The following NYAP2 variants were observed in gnomAD, a reference collection of about 807,000 sequenced individuals.
NYAP2 encodes neuronal tyrosine-phosphorylated phosphoinositide-3-kinase adapter 2.
A neutral mutation model predicts 50.4 loss-of-function variants in NYAP2; 23 were observed. The observed-to-expected ratio is 0.46, with a 90% confidence interval of 0.33 to 0.65. The LOEUF is 0.65. Among genes scored for constraint, NYAP2 ranks in the 30% least tolerant of loss-of-function variants. NYAP2 has a pLI of 0.02. For missense variants in NYAP2, 885 were observed against 861.0 expected (o/e 1.03, Z -0.35); for synonymous variants, 394 against 365.2 (o/e 1.08, Z -0.90).
At chr2:225,426,709 G>T (rs868517367) in intron 3 of NYAP2, among the ~76,000 whole-genome samples, 1 of 152,154 alleles carries the variant, frequency 6.6e-6, no homozygotes, top group Non-Finnish European at 1.5e-5. Flanking sequence ...TAAGACAAGC[G>T]AAGAGATAAC....
intron 4 of NYAP2, among the ~76,000 whole-genome samples, chr2:225,578,420 G>T (rs1036865669): frequency 3.3e-5 from 5 of 152,154 alleles, no homozygotes; most frequent in African/African-American, 7.2e-5. Flanking sequence ...TCAGCTTGTG[G>T]GCTGAACAAG....
At chr2:225,465,492 G>A (rs187222800) in intron 3 of NYAP2, among the ~76,000 whole-genome samples, 26 of 152,132 alleles carry the variant, frequency 1.7e-4, no homozygotes, top group African/African-American at 4.8e-4. Flanking sequence ...CGAGGTGGGC[G>A]GATCACAAGG....
chr2:225,664,830 G>A, the NYAP2 span, among the ~76,000 whole-genome samples: 10 of 152,054 alleles, frequency 6.6e-5, no homozygotes, highest in Non-Finnish European at 8.8e-5. Context: ...GAGCTATCAC[G>A]GCACTGCACT....
At chr2:225,694,249 A>G in the NYAP2 span, among the ~76,000 whole-genome samples, 1 of 151,980 alleles carries the variant, frequency 6.6e-6, no homozygotes, top group Non-Finnish European at 1.5e-5. Flanking sequence ...TTAATAGTCA[A>G]TTCCCAGAGT....
At chr2:225,660,895 A>G in the NYAP2 span, among the ~76,000 whole-genome samples, 1 of 152,182 alleles carries the variant, frequency 6.6e-6, no homozygotes, top group Non-Finnish European at 1.5e-5. Flanking sequence ...GGAAAAATGA[A>G]TCACAGCTAC....
chr2:225,523,632 T>C (rs976343473), intron 4 of NYAP2, among the ~76,000 whole-genome samples: 2 of 152,098 alleles, frequency 1.3e-5, no homozygotes, highest in African/African-American at 2.4e-5. Flanking sequence ...AATGACCATA[T>C]TGTCCAAAGC....
At chr2:225,581,968 A>T (rs1381054664) in exon 5 of NYAP2, 1 of 1,609,920 alleles carries the variant, frequency 6.2e-7, no homozygotes, top group South Asian at 1.1e-5. Context: ...CCCCACAGCG[A>T]TGAATATTCC....
intron 3 of NYAP2, among the ~76,000 whole-genome samples, chr2:225,499,790 T>C (rs1341846372): frequency 1.3e-5 from 2 of 152,144 alleles, no homozygotes; most frequent in Non-Finnish European, 2.9e-5. Flanking sequence ...GCTCAATAGA[T>C]GTTTGTGAAT....
intron 4 of NYAP2, among the ~76,000 whole-genome samples, chr2:225,555,697 G>T (rs936030752): frequency 1.3e-5 from 2 of 152,088 alleles, no homozygotes; most frequent in Non-Finnish European, 2.9e-5. Flanking sequence ...GTCTAAGCCC[G>T]ATTAGCTCTC....
chr2:225,664,282 T>A, the NYAP2 span, among the ~76,000 whole-genome samples: 46 of 152,204 alleles, frequency 3.0e-4, no homozygotes, highest in Admixed American at 2.6e-4. Flanking sequence ...CATGTATGGA[T>A]TCCAAAAATT....
At chr2:225,439,803 T>G (rs946939400) in intron 3 of NYAP2, among the ~76,000 whole-genome samples, 1 of 152,238 alleles carries the variant, frequency 6.6e-6, no homozygotes, top group Admixed American at 6.5e-5. Context: ...ATTTTTATTT[T>G]TATTTTTTTG....
intron 6 of NYAP2, among the ~76,000 whole-genome samples, chr2:225,646,687 T>C (rs1418144775): frequency 6.6e-6 from 1 of 152,244 alleles, no homozygotes; most frequent in African/African-American, 2.4e-5. Flanking sequence ...TATCCCTGCA[T>C]ATGGAGTCAT....
chr2:225,490,915 G>C (rs1690392796), intron 3 of NYAP2, among the ~76,000 whole-genome samples: 1 of 152,110 alleles, frequency 6.6e-6, no homozygotes, highest in African/African-American at 2.4e-5. Flanking sequence ...CACCTGCATG[G>C]AGCATTACAC....
At chr2:225,432,608 T>C (rs543554728) in intron 3 of NYAP2, among the ~76,000 whole-genome samples, 1 of 152,246 alleles carries the variant, frequency 6.6e-6, no homozygotes, top group South Asian at 2.1e-4. Context: ...GCTGGAGTTA[T>C]ATCTAATTCT....
chr2:225,445,951 C>T (rs572239813), intron 3 of NYAP2, among the ~76,000 whole-genome samples: 1 of 151,950 alleles, frequency 6.6e-6, no homozygotes, highest in Admixed American at 6.5e-5. Context: ...TCTAAATTTC[C>T]TCAACTGTAA....
At chr2:225,500,509 A>G (rs1052197518) in intron 3 of NYAP2, among the ~76,000 whole-genome samples, 1 of 152,236 alleles carries the variant, frequency 6.6e-6, no homozygotes, top group Non-Finnish European at 1.5e-5. Context: ...ACCTCAGCAG[A>G]ATATTTTGCA....
At chr2:225,427,122 T>C (rs1695299373) in intron 3 of NYAP2, among the ~76,000 whole-genome samples, 1 of 152,174 alleles carries the variant, frequency 6.6e-6, no homozygotes, top group African/African-American at 2.4e-5. Context: ...CCTAATGACC[T>C]CTGAGCAGAA....
At chr2:225,686,806 G>T in the NYAP2 span, among the ~76,000 whole-genome samples, 6 of 152,084 alleles carry the variant, frequency 3.9e-5, no homozygotes, top group Non-Finnish European at 8.8e-5. Context: ...TGGTTATTGT[G>T]CCTAGGATCT....
chr2:225,494,180 G>T (rs1046946344), intron 3 of NYAP2, among the ~76,000 whole-genome samples: 1 of 152,190 alleles, frequency 6.6e-6, no homozygotes, highest in African/African-American at 2.4e-5. Context: ...AAGTTGATGG[G>T]AACACTGCCA....
Sources: gnomAD v4.1 joint callset for allele counts (sites outside exome capture counted in the v4.1 genomes callset) on GRCh38, gnomAD v4.1.1 for gene constraint, MANE v1.5 for transcripts, NCBI Gene and HGNC (gene_info 2026-07-23, HGNC 2026-07-21) for gene names.